FYB1: variants seen among roughly 807,000 people sequenced by gnomAD.
FYB1 encodes FYN binding protein 1.
FYB1 carries 41 observed loss-of-function variants against 94.1 expected under a neutral mutation model. The observed-to-expected ratio is 0.44, with a 90% CI of 0.34 to 0.57. The LOEUF (loss-of-function observed/expected upper bound fraction) is 0.57. Among genes scored for constraint, FYB1 ranks in the 20% least tolerant of loss-of-function variants. FYB1 has a pLI of 0.02. For synonymous variants in FYB1, 367 were observed against 353.2 expected (o/e 1.04, Z -0.44); for missense variants, 1,050 against 976.8 (o/e 1.07, Z -1.00).
chr5:39,153,079 A>G (rs1318192488), intron 3 of FYB1, among the ~76,000 whole-genome samples: 1 of 150,780 alleles, frequency 6.6e-6, no homozygotes, highest in African/African-American at 2.4e-5. Flanking sequence ...GTCAGTAAAA[A>G]TATGGTGATG....
intron 2 of FYB1, among the ~76,000 whole-genome samples, chr5:39,183,028 T>TG (rs1470198062): frequency 6.6e-6 from 1 of 152,182 alleles, no homozygotes; most frequent in African/African-American, 2.4e-5. Flanking sequence ...TTTCCTTTTT[T>TG]GGGGGGTAGA....
chr5:39,267,578 C>T (rs568834878), intron 1 of FYB1, among the ~76,000 whole-genome samples: 1 of 152,176 alleles, frequency 6.6e-6, no homozygotes, highest in African/African-American at 2.4e-5. Flanking sequence ...TGCTACATGG[C>T]TTTCTGCCAC....
chr5:39,272,344 C>T (rs1326336363), intron 1 of FYB1, among the ~76,000 whole-genome samples: 1 of 152,066 alleles, frequency 6.6e-6, no homozygotes, highest in Non-Finnish European at 1.5e-5. Context: ...AGTTAATCAA[C>T]ATGTTTACCC....
chr5:39,232,556 T>A (rs1015808365), intron 1 of FYB1, among the ~76,000 whole-genome samples: 2 of 151,670 alleles, frequency 1.3e-5, no homozygotes, highest in African/African-American at 4.8e-5. Flanking sequence ...TATTTTTTAT[T>A]TATTTTTTTT....
At chr5:39,131,503 TA>T (rs1395924187) in intron 9 of FYB1, among the ~76,000 whole-genome samples, 1 of 152,214 alleles carries the variant, frequency 6.6e-6, no homozygotes, top group African/African-American at 2.4e-5. Flanking sequence ...TTCCTAACGT[TA>T]AAAGTGGGTG....
At chr5:39,108,078 A>G (rs1301073963) in intron 18 of FYB1, among the ~76,000 whole-genome samples, 153 bp downstream of exon 18, 1 of 151,940 alleles carries the variant, frequency 6.6e-6, no homozygotes, top group Non-Finnish European at 1.5e-5. Context: ...TTTTCCCCCC[A>G]TTATGCCAGG....
At chr5:39,151,974 A>G (rs1743290913) in intron 3 of FYB1, among the ~76,000 whole-genome samples, 1 of 152,092 alleles carries the variant, frequency 6.6e-6, no homozygotes. Flanking sequence ...CATTTCCTCT[A>G]TGTATTTCTA....
chr5:39,140,429 A>G (rs1260695465), intron 4 of FYB1, among the ~76,000 whole-genome samples: 2 of 152,244 alleles, frequency 1.3e-5, no homozygotes, highest in African/African-American at 4.8e-5. Context: ...AAGGAGATAT[A>G]ATTTGATTCA....
At chr5:39,127,700 A>G in intron 11 of FYB1, 41 bp downstream of exon 11, 1 of 1,549,910 alleles carries the variant, frequency 6.5e-7, no homozygotes, top group Non-Finnish European at 8.7e-7. Context: ...TTCAATGTAT[A>G]TATAATAATT....
chr5:39,209,378 G>A (rs1297246104), intron 1 of FYB1, among the ~76,000 whole-genome samples: 1 of 150,868 alleles, frequency 6.6e-6, no homozygotes, highest in Non-Finnish European at 1.5e-5. Context: ...CCAGGCTGGA[G>A]TGCAGTAGCG....
chr5:39,221,203 T>C (rs1750242302), upstream of FYB1, among the ~76,000 whole-genome samples: 1 of 152,158 alleles, frequency 6.6e-6, no homozygotes, highest in Non-Finnish European at 1.5e-5. Context: ...CCCATCATGC[T>C]TTCCCCTCCC....
At chr5:39,243,931 A>G (rs375699520) in intron 1 of FYB1, among the ~76,000 whole-genome samples, 12 of 152,166 alleles carry the variant, frequency 7.9e-5, no homozygotes, top group East Asian at 1.9e-4. Context: ...CTCATGATTT[A>G]GCTCTCTGTT....
At chr5:39,210,961 T>C (rs912870335) in intron 1 of FYB1, 2 of 152,212 alleles carry the variant, frequency 1.3e-5, no homozygotes, top group South Asian at 2.1e-4. Flanking sequence ...GTAGAGAATA[T>C]AGAGTGAGAT....
chr5:39,219,113 T>C (rs1420632216), intron 1 of FYB1, among the ~76,000 whole-genome samples: 1 of 152,208 alleles, frequency 6.6e-6, no homozygotes, highest in East Asian at 1.9e-4. Context: ...TAAAACCTTG[T>C]TTCTGGTTTC....
chr5:39,115,379 G>A (rs1433060532), intron 16 of FYB1, among the ~76,000 whole-genome samples: 1 of 152,140 alleles, frequency 6.6e-6, no homozygotes, highest in African/African-American at 2.4e-5. Flanking sequence ...ACAGGCATGA[G>A]CTACCGTGGC....
At chr5:39,219,227 C>A (rs925426052) in intron 1 of FYB1, among the ~76,000 whole-genome samples, 1 of 152,150 alleles carries the variant, frequency 6.6e-6, no homozygotes, top group Non-Finnish European at 1.5e-5. Context: ...ACGTTCCCGG[C>A]CACATTTTTA....
At chr5:39,167,768 G>A (rs1234968457) in intron 2 of FYB1, among the ~76,000 whole-genome samples, 3 of 152,194 alleles carry the variant, frequency 2.0e-5, no homozygotes, top group African/African-American at 7.2e-5. Context: ...TTTTCCTGTA[G>A]GATCTGCCAA....
intron 1 of FYB1, among the ~76,000 whole-genome samples, chr5:39,205,968 A>T (rs192403852): frequency 5.9e-5 from 9 of 152,372 alleles, no homozygotes; most frequent in Admixed American, 4.6e-4. Flanking sequence ...TGTAATAATT[A>T]TCTGCCATCT....
intron 1 of FYB1, among the ~76,000 whole-genome samples, chr5:39,227,799 T>C (rs1750547328): frequency 6.6e-6 from 1 of 152,196 alleles, no homozygotes; most frequent in Non-Finnish European, 1.5e-5. Flanking sequence ...AACTCCTTAA[T>C]AACACGCATA....
Sources: allele counts gnomAD v4.1 joint callset (sites outside exome capture counted in the v4.1 genomes callset), GRCh38; gene constraint gnomAD v4.1.1; transcripts MANE v1.5; gene names NCBI Gene and HGNC (gene_info 2026-07-23, HGNC 2026-07-21).